The following TTYH1 variants were observed in gnomAD, a reference collection of about 807,000 sequenced individuals.
TTYH1 encodes protein tweety homolog 1.
In TTYH1, 33 loss-of-function variants were observed where a neutral mutation model predicts 61.2. The observed-to-expected ratio is 0.54, with a 90% CI of 0.41 to 0.72. TTYH1 has a LOEUF of 0.72. Among genes scored for constraint, TTYH1 ranks in the 30% least tolerant of loss-of-function variants. The pLI, the probability that TTYH1 is intolerant of heterozygous loss-of-function variation, is 0.00. For missense variants in TTYH1, 538 were observed against 575.8 expected (o/e 0.93, Z 0.67); for synonymous variants, 308 against 266.4 (o/e 1.16, Z -1.52).
intron 10 of TTYH1, 156 bp downstream of exon 10, chr19:54,431,347 T>G: frequency 1.3e-5 from 8 of 612,658 alleles, no homozygotes; most frequent in East Asian, 2.8e-5. Context: ...ATCTATTCTC[T>G]ACCTATTTAT....
chr19:54,430,388 G>A (rs1250587966), intron 7 of TTYH1, among the ~76,000 whole-genome samples, 162 bp from the exon 8 acceptor site: 2 of 152,292 alleles, frequency 1.3e-5, no homozygotes, highest in East Asian at 1.9e-4. Context: ...GGCAGGAGCA[G>A]AAGGGACGCG....
chr19:54,415,552 C>T lies in TTYH1; in HGVS notation c.-1C>T. 1 of 1,471,540 alleles carries T rather than the reference C, an allele frequency of 6.8e-7. No individual in the cohort carries two copies. 91.2% of individuals were successfully genotyped at this position (1,471,540 alleles called of 1,614,324 possible). A position where few individuals can be genotyped will look rare whatever the true frequency, so the allele number is the denominator to read the frequency against. ...CCCCGCTGCCCCCTCCCCCGGGGGC[C>T]ATGGGGGCGCCCCCGGGCTACCGGC... On this transcript the variant is annotated 5_prime_UTR_variant, in exon 1 of 14. Transcript: ENST00000376530. This position sits in a 1 kb window ranked among gnomAD's most constrained non-coding sequence, Gnocchi z 5.2.
rs746794426 is a variant in TTYH1 at position 54,426,787 on chromosome 19, G to C, written c.734+19G>C. 50 of 1,606,202 alleles carry C rather than the reference G, an allele frequency of 3.1e-5. No homozygotes were observed. The highest frequency in any genetic ancestry group is 4.1e-5 in the Non-Finnish European group (48 of 1,174,502). ...TGATCGTGTAAGTGCAGGCAGTAGG[G>C]GGACCCAGTGCTTGCCTGGCACTCT... On this transcript the variant is annotated intron_variant, in intron 5 of 13. Coordinates refer to ENST00000376530, the MANE Select transcript of TTYH1 (RefSeq NM_020659.4).
In TTYH1 at chr19:54,436,753, T is replaced by G. The variant is rs1014055133; in HGVS notation, c.*463T>G. On this transcript the variant is annotated 3_prime_UTR_variant, in exon 14 of 14. Transcript: ENST00000376530. The surrounding 1 kb of genome is among the most constrained non-coding windows in gnomAD (Gnocchi z 4.3). ...CTCCTTATTTCTCCTCTCCCTTGAT[T>G]CGGCCTCCTGGCCAGGGCTGGGACA... 7 of 252,486 alleles carry G rather than the reference T, an allele frequency of 2.8e-5. No individual in the cohort carries two copies. The highest frequency in any genetic ancestry group is 1.1e-4 in the African/African-American group (5 of 45,300). The allele number at this position is 252,486 out of a possible 1,614,324, so 15.6% of individuals were successfully genotyped here.
At chr19:54,422,142 CT>C in intron 3 of TTYH1, 47 bp from the exon 4 acceptor site, 2 of 1,483,610 alleles carry the variant, frequency 1.3e-6, no homozygotes, top group Non-Finnish European at 1.8e-6. Flanking sequence ...CGACCGCGGG[CT>C]CCCCCCAGGA....
In TTYH1 at chr19:54,415,711, G is replaced by A. The variant is rs1258671831; in HGVS notation, c.126+33G>A. On this transcript the variant is annotated intron_variant, in intron 1 of 13. Coordinates refer to ENST00000376530, the MANE Select transcript of TTYH1 (RefSeq NM_020659.4). The surrounding 1 kb of genome is among the most constrained non-coding windows in gnomAD (Gnocchi z 5.2). ...CGGGCGCCAGGGCCTGGGGGCCAGGGCTGGGGGCCGGAGCTCCTGGGTCCC... is the reference window on the plus strand; with the variant it reads ...CGGGCGCCAGGGCCTGGGGGCCAGGACTGGGGGCCGGAGCTCCTGGGTCCC... The A allele has an allele frequency of 6.6e-7, 1 of 1,508,714 alleles. No homozygotes were observed. Among genetic ancestry groups the A allele is most frequent in the Non-Finnish European group, 8.8e-7 (1 of 1,131,752 alleles). 93.5% of individuals were successfully genotyped at this position (1,508,714 alleles called of 1,614,324 possible).
chr19:54,435,693 C>A lies in TTYH1; in HGVS notation c.1268+9C>A, dbSNP rs532306364. ...GCCCTCTTCCCACCCAGGTCAGGAG[C>A]GGGGGAGGGTAGGGTCCTGGGGAGG... On this transcript the variant is annotated intron_variant, in intron 11 of 13. Coordinates refer to ENST00000376530, the MANE Select transcript of TTYH1 (RefSeq NM_020659.4). The A allele has an allele frequency of 1.9e-6, 3 of 1,607,354 alleles. No individual in the cohort carries two copies. The highest frequency in any genetic ancestry group is 1.3e-5 in the African/African-American group (1 of 74,812).
rs1347565599 is a variant in TTYH1 at position 54,416,142 on chromosome 19, T to C, written c.126+464T>C. On this transcript the variant is annotated intron_variant, in intron 1 of 13. Transcript: ENST00000376530. This position sits in a 1 kb window ranked among gnomAD's most constrained non-coding sequence, Gnocchi z 7.0. ...CGGTGGCGGGGAAAACGCTGGCTGC[T>C]GCGGTGCTGGGATGGGATTGAGAGT... 3 of 1,167,334 alleles carry C rather than the reference T, an allele frequency of 2.6e-6. No homozygotes were observed. Among genetic ancestry groups the C allele is most frequent in the Non-Finnish European group, 3.5e-6 (3 of 864,962 alleles). 72.3% of individuals were successfully genotyped at this position (1,167,334 alleles called of 1,614,324 possible).
rs138800845 is a variant in TTYH1, at chr19:54,420,884, G to A, written c.306-393G>A. ...TAGGGCACCCTAGGACAGGTGCCAG[G>A]AGGGCTGCCTGCCTGGCAAAGGATG... On this transcript the variant is annotated intron_variant, in intron 2 of 13. Coordinates refer to ENST00000376530, the MANE Select transcript of TTYH1 (RefSeq NM_020659.4). This position sits in a 1 kb window ranked among gnomAD's most constrained non-coding sequence, Gnocchi z 4.8. 366 of 296,704 alleles carry A rather than the reference G, an allele frequency of 1.2e-3. No homozygotes were observed. Among genetic ancestry groups the A allele is most frequent in the African/African-American group, 7.4e-3 (342 of 46,466 alleles). The allele number at this position is 296,704 out of a possible 1,614,324, so 18.4% of individuals were successfully genotyped here. A position where few individuals can be genotyped will look rare whatever the true frequency, so the allele number is the denominator to read the frequency against.
At position 54,420,189 on chromosome 19, in the gene TTYH1, C is replaced by T. The variant is rs543258855; in HGVS notation, c.305+883C>T. Reference sequence around the variant, plus strand: ...GAGCACAGCCCCCTCCCCGGCAGGGCAGCACCCACAGGTTGCAGACAGCAA... The same window carrying T: ...GAGCACAGCCCCCTCCCCGGCAGGGTAGCACCCACAGGTTGCAGACAGCAA... On this transcript the variant is annotated intron_variant, in intron 2 of 13. Transcript: ENST00000376530. The surrounding 1 kb of genome is among the most constrained non-coding windows in gnomAD (Gnocchi z 4.8). Among the ~76,000 whole-genome samples the T allele has an allele frequency of 1.1e-3, 173 of 152,308 alleles. No homozygotes were observed. Among genetic ancestry groups the T allele is most frequent in the Middle Eastern group, 6.8e-3 (2 of 294 alleles).
chr19:54,427,372 G>A (rs1196293352), intron 5 of TTYH1, among the ~76,000 whole-genome samples: 12 of 146,116 alleles, frequency 8.2e-5, no homozygotes, highest in Non-Finnish European at 1.0e-4. Context: ...TTGGGAGGCC[G>A]AGGAGGGCGG....
Position 54,415,528 on chromosome 19 carries a change from C to A in TTYH1, c.-25C>A, listed in dbSNP as rs1314064707. ...AGGCTCCCGCAGCCCCGGCGTCCGCCCCGCTGCCCCCTCCCCCGGGGGCCA... is the reference window on the plus strand; with the variant it reads ...AGGCTCCCGCAGCCCCGGCGTCCGCACCGCTGCCCCCTCCCCCGGGGGCCA... On this transcript the variant is annotated 5_prime_UTR_variant, in exon 1 of 14. Coordinates refer to ENST00000376530, the MANE Select transcript of TTYH1 (RefSeq NM_020659.4). This position sits in a 1 kb window ranked among gnomAD's most constrained non-coding sequence, Gnocchi z 5.2. 7 of 1,408,162 alleles carry A rather than the reference C, an allele frequency of 5.0e-6. No homozygotes were observed. The highest frequency in any genetic ancestry group is 6.4e-6 in the Non-Finnish European group (7 of 1,086,488). 87.2% of individuals were successfully genotyped at this position (1,408,162 alleles called of 1,614,324 possible). A position where few individuals can be genotyped will look rare whatever the true frequency, so the allele number is the denominator to read the frequency against.
Position 54,429,861 on chromosome 19 carries a change from C to G in TTYH1, c.808-21C>G, listed in dbSNP as rs375754168. 6.2e-7 allele frequency: 1 copy of G among 1,612,902 alleles called. No homozygotes were observed. Among genetic ancestry groups the G allele is most frequent in the East Asian group, 2.2e-5 (1 of 44,854 alleles). ...TCGGGGCAGTTTTGGGTTTGAGCCCCTTTTCTGCTGCCTCACGCAGGGCCT... is the reference window on the plus strand; with the variant it reads ...TCGGGGCAGTTTTGGGTTTGAGCCCGTTTTCTGCTGCCTCACGCAGGGCCT... On this transcript the variant is annotated intron_variant, in intron 6 of 13. Coordinates refer to ENST00000376530, the MANE Select transcript of TTYH1 (RefSeq NM_020659.4). The surrounding 1 kb of genome is among the most constrained non-coding windows in gnomAD (Gnocchi z 5.1).
chr19:54,430,941 C>T, intron 9 of TTYH1, 36 bp downstream of exon 9: 1 of 1,601,432 alleles, frequency 6.2e-7, no homozygotes, highest in Non-Finnish European at 8.5e-7. Context: ...ACGCGGACCC[C>T]ACGGGGAAGG....
chr19:54,423,941 T>C (rs1002078811), intron 4 of TTYH1, among the ~76,000 whole-genome samples: 5 of 152,068 alleles, frequency 3.3e-5, no homozygotes, highest in African/African-American at 1.2e-4. Flanking sequence ...GGCAGGCGGA[T>C]CACGAGGTCA....
chr19:54,430,400 G>A, intron 7 of TTYH1, 150 bp from the exon 8 acceptor site: 1 of 823,064 alleles, frequency 1.2e-6, no homozygotes, highest in South Asian at 1.5e-5. Flanking sequence ...AGGGACGCGG[G>A]GCTGGCGGGT....
rs1954041438 is a variant in TTYH1 at position 54,421,411 on chromosome 19, G to C, written c.417+23G>C. On this transcript the variant is annotated intron_variant, in intron 3 of 13. Transcript: ENST00000376530. This position sits in a 1 kb window ranked among gnomAD's most constrained non-coding sequence, Gnocchi z 4.8. ...CTGGTGAGGGGCCAGCAACCAGTGG[G>C]ACCCCAGACCCACACCTGGACGGGC... 1 of 1,514,088 alleles carries C rather than the reference G, an allele frequency of 6.6e-7. No individual in the cohort carries two copies. The highest frequency in any genetic ancestry group is 1.4e-5 in the African/African-American group (1 of 73,084). 93.8% of individuals were successfully genotyped at this position (1,514,088 alleles called of 1,614,324 possible). A position where few individuals can be genotyped will look rare whatever the true frequency, so the allele number is the denominator to read the frequency against.
At chr19:54,432,356 G>T (rs896482079) in intron 10 of TTYH1, 1 of 152,232 alleles carries the variant, frequency 6.6e-6, no homozygotes, top group African/African-American at 2.4e-5. Flanking sequence ...CATTTCACAG[G>T]TGGTAACTCA....
At position 54,421,952 on chromosome 19, in the gene TTYH1, T is replaced by A. The variant is rs756864189; in HGVS notation, c.418-238T>A. Among the ~76,000 whole-genome samples, 15 of 152,222 alleles carry A rather than the reference T, an allele frequency of 9.9e-5. No homozygotes were observed. The highest frequency in any genetic ancestry group is 1.9e-4 in the Non-Finnish European group (13 of 68,004). On this transcript the variant is annotated intron_variant, in intron 3 of 13. Coordinates refer to ENST00000376530, the MANE Select transcript of TTYH1 (RefSeq NM_020659.4). The surrounding 1 kb of genome is among the most constrained non-coding windows in gnomAD (Gnocchi z 4.8). ...ATCTCAGTCCTGGGGCTGGACTTAC[T>A]ACCCTGGGCTCAAGCTACCAACCAT...
Sources: gnomAD v4.1 joint callset for allele counts (sites outside exome capture counted in the v4.1 genomes callset) on GRCh38, gnomAD v4.1.1 for gene constraint, Gnocchi (gnomAD v3.1) non-coding constraint, MANE v1.5 for transcripts, NCBI Gene and HGNC (gene_info 2026-07-23, HGNC 2026-07-21) for gene names.